The following BCAP31 variants were observed in gnomAD, a reference collection of about 807,000 sequenced individuals.
The protein encoded by BCAP31 is B-cell receptor-associated protein 31.
For missense variants in BCAP31, 124 were observed against 193.0 expected, an observed-to-expected ratio of 0.64 and a Z score of 2.12; for synonymous variants, 75 against 80.9, an observed-to-expected ratio of 0.93 and a Z score of 0.39.
chrX:153,706,020 G>A (rs782254927), intron 4 of BCAP31, among the ~76,000 whole-genome samples: 2 of 111,957 alleles, frequency 1.8e-5, no homozygotes, highest in East Asian at 5.6e-4. Flanking sequence ...TTCCAAGATA[G>A]GCCAGGGCAT....
intron 7 of BCAP31, 72 bp from the exon 8 acceptor site, chrX:153,701,047 T>G: frequency 1.0e-6 from 1 of 982,534 alleles, no homozygotes; most frequent in Non-Finnish European, 1.4e-6. Context: ...TCCAGCCCCA[T>G]GCCCCAGAGG....
chrX:153,704,065 G>A lies in BCAP31; in HGVS notation c.371C>T (p.Ser124Leu), dbSNP rs1557047947. ...FLLRRLVTLI[S>L]QQATLLASNE... is the part of the protein sequence containing the mutation. The stretch of plus-strand genomic sequence containing the variant: ...GGAGGCCAGCAGCGTGGCCTGCTGC[G>A]AAATGAGAGTCACCAGGCGTCTAAG... Residue 124 changes from serine to leucine, a missense_variant, in exon 5 of 8, where the codon TCG (serine) becomes TTG (leucine). Ser to Leu is a moderately radical substitution (Grantham distance 145). Transcript: ENST00000345046. 3.3e-6 allele frequency: 4 copies of A among 1,209,473 alleles called. No homozygotes were observed. The highest frequency in any genetic ancestry group is 3.0e-5 in the East Asian group (1 of 33,784).
At chrX:153,720,295 A>G (rs782295412) in intron 3 of BCAP31, among the ~76,000 whole-genome samples, 21 of 109,713 alleles carry the variant, frequency 1.9e-4, no homozygotes, top group Non-Finnish European at 3.4e-4. Flanking sequence ...GAAAAAAAGC[A>G]ATGTAAGGTG....
At chrX:153,714,957 T>G (rs926220812) in intron 4 of BCAP31, among the ~76,000 whole-genome samples, 1 of 111,487 alleles carries the variant, frequency 9.0e-6, no homozygotes, top group Admixed American at 9.5e-5. Flanking sequence ...AAATAGGCAC[T>G]TCGTAGTGGT....
chrX:153,705,911 C>T (rs1557048240), intron 4 of BCAP31, among the ~76,000 whole-genome samples: 4 of 112,432 alleles, frequency 3.6e-5, no homozygotes, highest in African/African-American at 3.2e-5. Flanking sequence ...CCCCAGTACC[C>T]AGGGAGATAG....
At chrX:153,706,116 C>A (rs2091552959) in intron 4 of BCAP31, among the ~76,000 whole-genome samples, 1 of 111,563 alleles carries the variant, frequency 9.0e-6, no homozygotes, top group South Asian at 3.8e-4. Flanking sequence ...AGTTCCCAGC[C>A]TTGAGACAGT....
At position 153,720,872 on chromosome X, in the gene BCAP31, C is replaced by T. The variant is rs782393101; in HGVS notation, c.193G>A (p.Asp65Asn). The T allele has an allele frequency of 8.3e-7, 1 of 1,210,529 alleles. No homozygotes were observed. The highest frequency in any genetic ancestry group is 1.1e-6 in the Non-Finnish European group (1 of 894,623). ...CTGCCCTCAGCCATAGCTCACTCAC[C>T]GATGACCAACAGCACAAGGATGACA... ...LIVILVLLVI[D>N]AVREIRKYDD... is the part of the protein sequence containing the mutation. The change falls in exon 3 of 8, where the codon GAT becomes AAT. Residue 65 changes from aspartate (D) to asparagine (N), a missense_variant and splice_region_variant. By Grantham distance (23) the Asp-to-Asn change is conservative. Coordinates refer to ENST00000345046, the MANE Select transcript of BCAP31 (RefSeq NM_001256447.2).
intron 4 of BCAP31, among the ~76,000 whole-genome samples, chrX:153,706,207 G>A (rs1229678820): frequency 4.9e-5 from 5 of 102,687 alleles, no homozygotes; most frequent in African/African-American, 7.3e-5. Context: ...ACAGCACCCC[G>A]GGCATACTCC....
At chrX:153,723,587 C>G (rs781796445) in intron 1 of BCAP31, 13 of 1,167,321 alleles carry the variant, frequency 1.1e-5, no homozygotes, top group Admixed American at 7.7e-5. Context: ...CCGAGATTTC[C>G]GACGCCCGTT....
chrX:153,704,243 G>A, intron 4 of BCAP31, 149 bp from the exon 5 acceptor site: 1 of 611,679 alleles, frequency 1.6e-6, no homozygotes. Context: ...CGCCAACCTG[G>A]TGCTGGCAGC....
At chrX:153,720,811 G>A in intron 3 of BCAP31, 61 bp downstream of exon 3, 13 of 1,090,851 alleles carry the variant, frequency 1.2e-5, no homozygotes, top group Non-Finnish European at 1.5e-5. Flanking sequence ...AGTGGCAAAG[G>A]GTTTTGCAGC....
intron 4 of BCAP31, among the ~76,000 whole-genome samples, chrX:153,709,429 C>T (rs112792593): frequency 2.4e-3 from 253 of 107,252 alleles, no homozygotes; most frequent in Middle Eastern, 4.8e-3. Context: ...TAACCTTGAC[C>T]GTCATTTAAG....
intron 7 of BCAP31, 111 bp from the exon 8 acceptor site, chrX:153,701,086 A>G (rs1400082590): frequency 1.6e-5 from 11 of 677,048 alleles, no homozygotes; most frequent in African/African-American, 7.0e-5. Context: ...TCTCCTAACA[A>G]CAGCTATTCA....
At position 153,723,780 on chromosome X, in the gene BCAP31, C is replaced by T. The variant is rs2091686639; in HGVS notation, c.-44-492G>A. 6 of 903,307 alleles carry T rather than the reference C, an allele frequency of 6.6e-6. No individual in the cohort carries two copies. The East Asian group carries it at 1.1e-4, about 16-fold the overall frequency. 74.4% of individuals were successfully genotyped at this position (903,307 alleles called of 1,213,427 possible). On this transcript the variant is annotated intron_variant, in intron 1 of 7. Transcript: ENST00000345046. ...GCACCTAGTCCAAGCGCTGCCGACGCCCCCGCCTCCCACCGTCCCCACGGC... is the reference window on the plus strand; with the variant it reads ...GCACCTAGTCCAAGCGCTGCCGACGTCCCCGCCTCCCACCGTCCCCACGGC...
At chrX:153,724,113 T>A in intron 1 of BCAP31, 1 of 283,601 alleles carries the variant, frequency 3.5e-6, no homozygotes, top group Non-Finnish European at 6.7e-6. Context: ...CGGCCGCTCC[T>A]CCAGGTGGGG....
intron 4 of BCAP31, among the ~76,000 whole-genome samples, chrX:153,706,306 C>A (rs781914638): frequency 3.7e-4 from 41 of 111,929 alleles, no homozygotes; most frequent in African/African-American, 1.3e-3. Context: ...ATTCTCCCCC[C>A]AGGAACCTCA....
chrX:153,709,984 G>A (rs782439268), intron 4 of BCAP31, among the ~76,000 whole-genome samples: 2 of 112,726 alleles, frequency 1.8e-5, no homozygotes, highest in South Asian at 3.6e-4. Context: ...TGGGCCCCTC[G>A]GAACAGGCTC....
intron 4 of BCAP31, among the ~76,000 whole-genome samples, chrX:153,712,529 G>A (rs1557049365): frequency 8.9e-6 from 1 of 112,180 alleles, no homozygotes; most frequent in East Asian, 2.8e-4. Flanking sequence ...AAAGCATGTG[G>A]TGCTTAAAAG....
chrX:153,720,302 G>A (rs925412106), intron 3 of BCAP31, among the ~76,000 whole-genome samples: 1 of 109,229 alleles, frequency 9.2e-6, no homozygotes, highest in Non-Finnish European at 1.9e-5. Context: ...AGCAATGTAA[G>A]GTGGCCGTCA....
Sources: gnomAD v4.1 joint callset for allele counts (sites outside exome capture counted in the v4.1 genomes callset) on GRCh38, gnomAD v4.1.1 for gene constraint, MANE v1.5 for transcripts, NCBI Gene and HGNC (gene_info 2026-07-23, HGNC 2026-07-21) for gene names.